The following SLC24A2 variants were observed in gnomAD, a reference collection of about 807,000 sequenced individuals.
SLC24A2 encodes solute carrier family 24 member 2.
Under a neutral mutation model 62.0 loss-of-function variants are expected in SLC24A2, and 36 were observed. That is an observed-to-expected ratio of 0.58 (90% CI 0.44 to 0.77). The LOEUF (loss-of-function observed/expected upper bound fraction) is 0.77. Among genes scored for constraint, SLC24A2 ranks in the 30% least tolerant of loss-of-function variants. SLC24A2 has a pLI of 0.00. For synonymous variants in SLC24A2, 358 were observed against 294.0 expected (o/e 1.22, Z -2.23); for missense variants, 846 against 817.9 (o/e 1.03, Z -0.42).
intron 8 of SLC24A2, among the ~76,000 whole-genome samples, chr9:19,535,295 T>C (rs1833904665): frequency 6.6e-6 from 1 of 152,234 alleles, no homozygotes; most frequent in Non-Finnish European, 1.5e-5. Context: ...TCTCCCATTC[T>C]GTAGGTTGCC....
At chr9:19,530,641 G>A (rs1833661585) in intron 8 of SLC24A2, among the ~76,000 whole-genome samples, 1 of 152,124 alleles carries the variant, frequency 6.6e-6, no homozygotes, top group South Asian at 2.1e-4. Context: ...AGGAATTAAA[G>A]GAACTAAATT....
At chr9:19,554,887 T>C (rs1231143928) in intron 7 of SLC24A2, among the ~76,000 whole-genome samples, 2 of 152,206 alleles carry the variant, frequency 1.3e-5, no homozygotes, top group African/African-American at 4.8e-5. Flanking sequence ...TGATGACTGA[T>C]GGCAATGCTT....
the SLC24A2 span, among the ~76,000 whole-genome samples, chr9:19,994,417 A>G: frequency 6.6e-6 from 1 of 152,154 alleles, no homozygotes; most frequent in African/African-American, 2.4e-5. Flanking sequence ...CTCCTTTCTG[A>G]GTCATACAAA....
the SLC24A2 span, among the ~76,000 whole-genome samples, chr9:20,263,557 A>G: frequency 6.6e-6 from 1 of 152,150 alleles, no homozygotes; most frequent in East Asian, 1.9e-4. Flanking sequence ...TCAGAGAAGG[A>G]TTCTTCACAT....
At chr9:20,045,980 A>G in the SLC24A2 span, among the ~76,000 whole-genome samples, 1 of 152,198 alleles carries the variant, frequency 6.6e-6, no homozygotes, top group East Asian at 1.9e-4. Context: ...CCTGTGCCTT[A>G]GCAGGCAACA....
intron 7 of SLC24A2, among the ~76,000 whole-genome samples, chr9:19,555,971 A>T (rs1802291631): frequency 1.3e-5 from 2 of 152,194 alleles, no homozygotes; most frequent in African/African-American, 4.8e-5. Context: ...AAGAGAATAT[A>T]CATGTTATTC....
the SLC24A2 span, among the ~76,000 whole-genome samples, chr9:20,218,694 G>T: frequency 1.3e-5 from 2 of 152,180 alleles, no homozygotes; most frequent in East Asian, 3.9e-4. Flanking sequence ...CTGAGCCAAA[G>T]AAGGGTGCCC....
At chr9:20,146,921 T>C in the SLC24A2 span, among the ~76,000 whole-genome samples, 1 of 152,112 alleles carries the variant, frequency 6.6e-6, no homozygotes, top group South Asian at 2.1e-4. Flanking sequence ...GTCAGGCTCT[T>C]ATGTACAACA....
At chr9:20,127,030 T>C in the SLC24A2 span, among the ~76,000 whole-genome samples, 3 of 152,140 alleles carry the variant, frequency 2.0e-5, no homozygotes, top group Admixed American at 6.5e-5. Context: ...ATTTCATCTC[T>C]TTTTTTCTAT....
At chr9:19,773,571 G>T (rs1250519193) in intron 2 of SLC24A2, among the ~76,000 whole-genome samples, 1 of 152,134 alleles carries the variant, frequency 6.6e-6, no homozygotes, top group Non-Finnish European at 1.5e-5. Flanking sequence ...ACTGATTCAG[G>T]CTCAGACTTT....
At chr9:20,038,545 G>C in the SLC24A2 span, among the ~76,000 whole-genome samples, 7 of 151,104 alleles carry the variant, frequency 4.6e-5, no homozygotes, top group African/African-American at 1.7e-4. Flanking sequence ...CTGAGTGTGA[G>C]GCACTTTTAT....
chr9:19,550,235 G>A lies in SLC24A2; in HGVS notation c.1381C>T (p.Leu461Phe). 1 of 1,614,144 alleles carries A rather than the reference G, an allele frequency of 6.2e-7. No homozygotes were observed. Among genetic ancestry groups the A allele is most frequent in the Non-Finnish European group, 8.5e-7 (1 of 1,180,004 alleles). ...ADEEEDQPLS[L>F]AWPSETRKQV... ...TTGCGGGTTTCAGAAGGCCAGGCAAGGCTGAGAGGCTGGTCCTCCTCCTCA... is the reference window on the plus strand; with the variant it reads ...TTGCGGGTTTCAGAAGGCCAGGCAAAGCTGAGAGGCTGGTCCTCCTCCTCA... Residue 461 changes from leucine to phenylalanine, a missense_variant, in exon 8 of 11, where the codon CTT (leucine) becomes TTT (phenylalanine). Physicochemically the swap from Leu to Phe is conservative, Grantham distance 22 (BLOSUM62 0). Transcript: ENST00000341998.
At chr9:20,147,809 A>G in the SLC24A2 span, among the ~76,000 whole-genome samples, 1 of 152,038 alleles carries the variant, frequency 6.6e-6, no homozygotes, top group African/African-American at 2.4e-5. Flanking sequence ...ACTAGACCTA[A>G]TCTCTTCCAA....
chr9:20,038,579 TC>T, the SLC24A2 span, among the ~76,000 whole-genome samples: 2 of 138,292 alleles, frequency 1.4e-5, no homozygotes, highest in African/African-American at 5.5e-5. Flanking sequence ...TCTTCTCCCA[TC>T]CTCTCCCTTT....
At chr9:19,674,208 A>G (rs1421423959) in intron 2 of SLC24A2, among the ~76,000 whole-genome samples, 1 of 152,190 alleles carries the variant, frequency 6.6e-6, no homozygotes, top group East Asian at 1.9e-4. Flanking sequence ...GATCTATTCT[A>G]GATTGTAGGG....
chr9:20,002,297 A>G, the SLC24A2 span, among the ~76,000 whole-genome samples: 1 of 152,170 alleles, frequency 6.6e-6, no homozygotes, highest in African/African-American at 2.4e-5. Context: ...GCAATGCACA[A>G]AAGGCTGCCA....
At chr9:20,027,477 G>A in the SLC24A2 span, among the ~76,000 whole-genome samples, 3 of 152,090 alleles carry the variant, frequency 2.0e-5, no homozygotes, top group African/African-American at 7.2e-5. Context: ...CCACAAAAAG[G>A]AATGAAATCC....
chr9:19,802,358 G>A, the SLC24A2 span, among the ~76,000 whole-genome samples: 24 of 152,256 alleles, frequency 1.6e-4, 1 homozygote, highest in South Asian at 4.6e-3. Context: ...TCTTGTGTAA[G>A]TGTATATTAT....
chr9:19,510,190 C>A lies in SLC24A2; in HGVS notation c.*5963G>T, dbSNP rs1263390833. 1 of 151,738 alleles carries A rather than the reference C, an allele frequency of 6.6e-6. No individual in the cohort carries two copies. The highest frequency in any genetic ancestry group is 2.4e-5 in the African/African-American group (1 of 41,288). 9.4% of individuals were successfully genotyped at this position (151,738 alleles called of 1,614,324 possible). A position where few individuals can be genotyped will look rare whatever the true frequency, so the allele number is the denominator to read the frequency against. Reference sequence around the variant, plus strand: ...ACCAGAGCTTCATGGTCATGCTGCACCCAGTATAGTTCAACACTGTTCAGA... The same window carrying A: ...ACCAGAGCTTCATGGTCATGCTGCAACCAGTATAGTTCAACACTGTTCAGA... On this transcript the variant is annotated 3_prime_UTR_variant, in exon 11 of 11. Coordinates refer to ENST00000341998, the MANE Select transcript of SLC24A2 (RefSeq NM_020344.4).
Sources: gnomAD v4.1 joint callset for allele counts (sites outside exome capture counted in the v4.1 genomes callset) on GRCh38, gnomAD v4.1.1 for gene constraint, MANE v1.5 for transcripts, NCBI Gene and HGNC (gene_info 2026-07-23, HGNC 2026-07-21) for gene names.